The following SEMA3A variants were observed in gnomAD, a reference collection of about 807,000 sequenced individuals.
SEMA3A encodes the protein semaphorin 3A.
SEMA3A carries 29 observed loss-of-function variants against 97.9 expected under a neutral mutation model. The observed-to-expected ratio is 0.30, with a 90% CI of 0.22 to 0.40. The LOEUF (loss-of-function observed/expected upper bound fraction) is 0.40, where lower values mean the gene tolerates loss of function less well. Ranked by LOEUF, SEMA3A falls within the 10% of genes least tolerant of loss-of-function variation. SEMA3A has a pLI of 1.00. For missense variants in SEMA3A, 763 were observed against 951.3 expected (o/e 0.80, Z 2.60); for synonymous variants, 321 against 323.7 (o/e 0.99, Z 0.09).
intron 1 of SEMA3A, among the ~76,000 whole-genome samples, chr7:84,391,666 A>G (rs1222322768): frequency 1.3e-5 from 2 of 152,074 alleles, no homozygotes; most frequent in Non-Finnish European, 2.9e-5. Context: ...CTTGAAAAAC[A>G]TTTTAAAAAA....
At chr7:84,099,739 T>C (rs938251153) in intron 4 of SEMA3A, among the ~76,000 whole-genome samples, 14 of 152,168 alleles carry the variant, frequency 9.2e-5, no homozygotes, top group Non-Finnish European at 1.6e-4. Flanking sequence ...TTTAGATATC[T>C]TGATGTTTTC....
intron 3 of SEMA3A, among the ~76,000 whole-genome samples, chr7:84,243,364 T>G (rs1799408872): frequency 6.6e-6 from 1 of 152,190 alleles, no homozygotes; most frequent in African/African-American, 2.4e-5. Context: ...TTCTTCCTGG[T>G]TTAGTCTTGG....
chr7:84,298,035 G>A (rs1247443239), intron 3 of SEMA3A, among the ~76,000 whole-genome samples: 1 of 152,152 alleles, frequency 6.6e-6, no homozygotes, highest in Non-Finnish European at 1.5e-5. Flanking sequence ...AAAATGGACA[G>A]ATGTGAATCT....
intron 1 of SEMA3A, among the ~76,000 whole-genome samples, chr7:84,442,967 A>G (rs1805308874): frequency 6.6e-6 from 1 of 152,146 alleles, no homozygotes. Flanking sequence ...ATCAAAATAT[A>G]TGAAGCAAAA....
chr7:84,246,629 C>T (rs1034313252), intron 3 of SEMA3A, among the ~76,000 whole-genome samples: 3 of 151,900 alleles, frequency 2.0e-5, no homozygotes. Context: ...ATAATTGCTA[C>T]TAATTTGTCA....
At chr7:84,460,907 C>T (rs1805820826) in intron 1 of SEMA3A, among the ~76,000 whole-genome samples, 1 of 152,188 alleles carries the variant, frequency 6.6e-6, no homozygotes, top group Non-Finnish European at 1.5e-5. Flanking sequence ...AATTGAGTCA[C>T]ATAGCTTCAT....
intron 6 of SEMA3A, among the ~76,000 whole-genome samples, chr7:84,040,556 TTTTCACA>T (rs1433626467): frequency 6.6e-6 from 1 of 152,076 alleles, no homozygotes; most frequent in Non-Finnish European, 1.5e-5. Context: ...CAGGCTTCTG[TTTTCACA>T]GAGGGAAAGC....
chr7:84,012,649 AC>A (rs1433117246), intron 7 of SEMA3A, among the ~76,000 whole-genome samples: 1 of 152,228 alleles, frequency 6.6e-6, no homozygotes, highest in Non-Finnish European at 1.5e-5. Context: ...TATTTTACAA[AC>A]AACACGTTGA....
intron 15 of SEMA3A, among the ~76,000 whole-genome samples, chr7:83,968,660 CATT>C (rs1351723139): frequency 6.6e-6 from 1 of 152,040 alleles, no homozygotes; most frequent in Non-Finnish European, 1.5e-5. Context: ...ATGTGTGTGA[CATT>C]GTTGTTATTT....
intron 9 of SEMA3A, among the ~76,000 whole-genome samples, chr7:84,009,872 C>T (rs570218679): frequency 1.7e-4 from 9 of 52,602 alleles, no homozygotes; most frequent in Non-Finnish European, 3.3e-4. Context: ...GATAAAAAGA[C>T]AAGGAAATTA....
chr7:84,312,913 T>TACACAC (rs1174689479), intron 2 of SEMA3A, among the ~76,000 whole-genome samples: 1 of 49,728 alleles, frequency 2.0e-5, no homozygotes, highest in African/African-American at 5.7e-5. Context: ...TATATATATA[T>TACACAC]ATATATATAC....
chr7:83,998,029 C>G (rs957374097), intron 12 of SEMA3A, among the ~76,000 whole-genome samples: 8 of 151,720 alleles, frequency 5.3e-5, no homozygotes, highest in African/African-American at 1.9e-4. Flanking sequence ...AGCCACTGCA[C>G]AATATCTTAA....
intron 1 of SEMA3A, among the ~76,000 whole-genome samples, chr7:84,395,227 A>G (rs890514354): frequency 3.3e-5 from 5 of 152,136 alleles, no homozygotes; most frequent in African/African-American, 1.2e-4. Context: ...TCAGCTTTAT[A>G]GAACTCATTT....
intron 14 of SEMA3A, among the ~76,000 whole-genome samples, chr7:83,979,569 C>A (rs1437739246): frequency 6.6e-6 from 1 of 152,078 alleles, no homozygotes; most frequent in Non-Finnish European, 1.5e-5. Flanking sequence ...CCTACGGTTT[C>A]TTTAATGAAC....
At chr7:84,296,345 T>C (rs1168642105) in intron 3 of SEMA3A, among the ~76,000 whole-genome samples, 1 of 152,178 alleles carries the variant, frequency 6.6e-6, no homozygotes, top group Non-Finnish European at 1.5e-5. Context: ...CTCTTTGTAA[T>C]CATAAATTTG....
intron 4 of SEMA3A, among the ~76,000 whole-genome samples, chr7:84,084,969 G>A (rs1250061259): frequency 6.6e-6 from 1 of 151,952 alleles, no homozygotes; most frequent in Non-Finnish European, 1.5e-5. Flanking sequence ...GATTACTAAA[G>A]AGCCACAACA....
intron 3 of SEMA3A, among the ~76,000 whole-genome samples, chr7:84,303,516 A>T (rs1003593252): frequency 3.3e-5 from 5 of 152,154 alleles, no homozygotes; most frequent in Admixed American, 6.6e-5. Context: ...GTAACAGCTA[A>T]AATAATAGGT....
chr7:84,194,004 T>A (rs1798131697), intron 1 of SEMA3A, among the ~76,000 whole-genome samples: 1 of 152,160 alleles, frequency 6.6e-6, no homozygotes, highest in South Asian at 2.1e-4. Context: ...AAGCATCTGA[T>A]TGTCAGATTT....
intron 1 of SEMA3A, among the ~76,000 whole-genome samples, chr7:84,442,708 A>C (rs563644092): frequency 6.6e-6 from 1 of 152,282 alleles, no homozygotes; most frequent in East Asian, 1.9e-4. Flanking sequence ...ACATAAGCCA[A>C]CTATATATTG....
Sources: gnomAD v4.1 joint callset for allele counts (sites outside exome capture counted in the v4.1 genomes callset) on GRCh38, gnomAD v4.1.1 for gene constraint, MANE v1.5 for transcripts, NCBI Gene and HGNC (gene_info 2026-07-23, HGNC 2026-07-21) for gene names.